The following CAPN6 variants were observed in gnomAD, a reference collection of about 807,000 sequenced individuals.
The protein encoded by CAPN6 is calpain 6.
Under a neutral mutation model 46.0 loss-of-function variants are expected in CAPN6, and 16 were observed. The observed-to-expected ratio is 0.35, with a 90% CI of 0.24 to 0.53. The LOEUF (loss-of-function observed/expected upper bound fraction) is 0.53. Among genes scored for constraint, CAPN6 ranks in the 20% least tolerant of loss-of-function variants. The pLI, the probability that CAPN6 is intolerant of heterozygous loss-of-function variation, is 0.94. For missense variants in CAPN6, 461 were observed against 498.0 expected (o/e 0.93, Z 0.71); for synonymous variants, 206 against 172.8 (o/e 1.19, Z -1.51).
chrX:111,264,517 T>C (rs778986292), intron 1 of CAPN6, among the ~76,000 whole-genome samples: 2 of 111,757 alleles, frequency 1.8e-5, no homozygotes, highest in East Asian at 2.8e-4. Flanking sequence ...GGAAGACTAC[T>C]GCAAGAAACA....
rs756294713 is a variant in CAPN6 at position 111,247,875 on chromosome X, A to G, written c.1602T>C (p.Asn534=). ...SAEDLEKKYA[N]ETVNPYLVIK... ...AGACATTCCTGCCATTCTTACTTTC[A>G]TTGGCATACTTCTTCTCCAGGTCCT... The change falls in exon 11 of 13, where the codon AAT becomes AAC. Residue 534 remains asparagine, a synonymous_variant. Coordinates refer to ENST00000324068, the MANE Select transcript of CAPN6 (RefSeq NM_014289.4). 2.5e-6 allele frequency: 3 copies of G among 1,209,715 alleles called. No individual in the cohort carries two copies. In the Admixed American group the frequency reaches 6.5e-5, roughly 26 times the overall value.
intron 5 of CAPN6, 83 bp downstream of exon 5, chrX:111,252,224 T>C: frequency 1.2e-6 from 1 of 802,824 alleles, no homozygotes; most frequent in Non-Finnish European, 1.8e-6. Context: ...GGTCTTCGGG[T>C]TAAGGGCGAA....
At chrX:111,268,866 A>C (rs1192467607) in intron 1 of CAPN6, among the ~76,000 whole-genome samples, 2 of 112,387 alleles carry the variant, frequency 1.8e-5, no homozygotes, top group Non-Finnish European at 3.8e-5. Flanking sequence ...CAGAGCCCAC[A>C]CTAAAACTGG....
At chrX:111,260,493 A>G (rs2147536872) in intron 2 of CAPN6, among the ~76,000 whole-genome samples, 1 of 112,991 alleles carries the variant, frequency 8.9e-6, no homozygotes, top group African/African-American at 3.2e-5. Context: ...GCCAAGGGAC[A>G]AGATGTCTGT....
At chrX:111,264,840 A>G (rs1386532097) in intron 1 of CAPN6, among the ~76,000 whole-genome samples, 1 of 111,617 alleles carries the variant, frequency 9.0e-6, no homozygotes, top group Non-Finnish European at 1.9e-5. Flanking sequence ...TAGGAAGATA[A>G]TTTGAAAGGC....
At chrX:111,252,221 G>A (rs2094980164) in intron 5 of CAPN6, 86 bp downstream of exon 5, 1 of 760,800 alleles carries the variant, frequency 1.3e-6, no homozygotes, top group African/African-American at 2.1e-5. Flanking sequence ...ATGGGTCTTC[G>A]GGTTAAGGGC....
In CAPN6 at chrX:111,258,748, T is replaced by G. The variant is rs17880987; in HGVS notation, c.166-4345A>C. ...TCCAAACTGGGCCACCAAATCACTGTGTAATCATTTTCTCACTTTAACCTT... is the reference window on the plus strand; with the variant it reads ...TCCAAACTGGGCCACCAAATCACTGGGTAATCATTTTCTCACTTTAACCTT... On this transcript the variant is annotated intron_variant, in intron 2 of 12. Transcript: ENST00000324068. Among the ~76,000 whole-genome samples, 1,050 of 112,196 alleles carry G rather than the reference T, an allele frequency of 9.4e-3. 16 individuals are homozygous for G. Among genetic ancestry groups the G allele is most frequent in the African/African-American group, 0.032 (1,001 of 30,889 alleles).
rs1011214955 is a variant in CAPN6 at position 111,247,734 on chromosome X, C to T, written c.1606+137G>A. The T allele has an allele frequency of 4.0e-6, 3 of 748,452 alleles. No individual in the cohort carries two copies. The African/African-American group carries it at 6.4e-5, about 16-fold the overall frequency. 61.7% of individuals were successfully genotyped at this position (748,452 alleles called of 1,213,427 possible). Reference sequence around the variant, plus strand: ...TTGCTTGAAGTTGACATCCCATCCTCTGCCATGGTTGCCATCCATTCCCAA... The same window carrying T: ...TTGCTTGAAGTTGACATCCCATCCTTTGCCATGGTTGCCATCCATTCCCAA... On this transcript the variant is annotated intron_variant, in intron 11 of 12. Transcript: ENST00000324068.
intron 3 of CAPN6, among the ~76,000 whole-genome samples, 180 bp from the exon 4 acceptor site, chrX:111,253,396 T>C (rs1194910309): frequency 8.9e-6 from 1 of 112,508 alleles, no homozygotes; most frequent in Non-Finnish European, 1.9e-5. Context: ...GCTTCCTCAG[T>C]TCAGTTTTGC....
chrX:111,253,713 A>T (rs1176809208), intron 3 of CAPN6, among the ~76,000 whole-genome samples: 1 of 112,398 alleles, frequency 8.9e-6, no homozygotes, highest in Non-Finnish European at 1.9e-5. Flanking sequence ...TTTTTTTTGT[A>T]TAACAGCTAC....
intron 8 of CAPN6, among the ~76,000 whole-genome samples, chrX:111,249,857 A>G (rs60737128): frequency 3.9e-5 from 3 of 77,898 alleles, no homozygotes; most frequent in South Asian, 8.2e-4. Context: ...GAAGGAAGGA[A>G]GGAGGGAGGG....
chrX:111,254,277 T>C lies in CAPN6; in HGVS notation c.292A>G (p.Thr98Ala). The C allele has an allele frequency of 8.3e-7, 1 of 1,207,239 alleles. No individual in the cohort carries two copies. The highest frequency in any genetic ancestry group is 1.1e-6 in the Non-Finnish European group (1 of 892,212). ...SCLAVQESHW[T>A]KTIPNHKEQE... ...TCCCACAGGAGGGATAATACCTTTG[T>C]CCAATGAGACTCCTGAACAGCCAAA... Residue 98 changes from threonine (T) to alanine (A), a missense_variant, in exon 3 of 13, where the codon ACA becomes GCA. Coordinates refer to ENST00000324068, the MANE Select transcript of CAPN6 (RefSeq NM_014289.4).
intron 1 of CAPN6, among the ~76,000 whole-genome samples, chrX:111,266,984 T>C (rs1183770992): frequency 1.8e-5 from 2 of 112,233 alleles, no homozygotes; most frequent in Non-Finnish European, 3.8e-5. Context: ...AACATCAGAA[T>C]ACTTTTGGAA....
rs145160085 is a variant in CAPN6, at chrX:111,265,119, A to C, written c.-15-1168T>G. On this transcript the variant is annotated intron_variant, in intron 1 of 12. Transcript: ENST00000324068. ...TAAAAAATAAGGAGAATACGTTAGC[A>C]CTTTAAGGAGTATCTGTGTGGTATA... Among the ~76,000 whole-genome samples the C allele has an allele frequency of 3.2e-4, 36 of 112,365 alleles. No homozygotes were observed. The East Asian group carries it at 0.01, about 31-fold the overall frequency.
chrX:111,248,095 G>A, intron 10 of CAPN6, 103 bp from the exon 11 acceptor site: 1 of 820,854 alleles, frequency 1.2e-6, no homozygotes, highest in Non-Finnish European at 1.8e-6. Flanking sequence ...GAGACATTGT[G>A]TGACTTAGCC....
chrX:111,266,928 T>C (rs745377683), intron 1 of CAPN6, among the ~76,000 whole-genome samples: 2 of 113,032 alleles, frequency 1.8e-5, no homozygotes, highest in South Asian at 7.3e-4. Context: ...TGGTTTGATG[T>C]TCATGGGAGA....
At chrX:111,248,099 CT>C in intron 10 of CAPN6, 107 bp from the exon 11 acceptor site, 1 of 769,868 alleles carries the variant, frequency 1.3e-6, no homozygotes, top group Non-Finnish European at 2.0e-6. Context: ...CATTGTGTGA[CT>C]TAGCCCATTC....
In CAPN6 at chrX:111,251,080, C is replaced by T. The variant is rs780015974; in HGVS notation, c.995G>A (p.Arg332His). Reference sequence around the variant, plus strand: ...GCAGACATTCAGTTTGTGAAAGTTGCGGCAAAAGTCCTCCAAGCTCATCCT... The same window carrying T: ...GCAGACATTCAGTTTGTGAAAGTTGTGGCAAAAGTCCTCCAAGCTCATCCT... The part of the protein sequence containing the change: ...EFWMSLEDFC[R>H]NFHKLNVCRN... Residue 332 changes from arginine (R) to histidine (H), a missense_variant, in exon 8 of 13, where the codon CGC (arginine) becomes CAC (histidine). Coordinates refer to ENST00000324068, the MANE Select transcript of CAPN6 (RefSeq NM_014289.4). 9.1e-6 allele frequency: 11 copies of T among 1,208,139 alleles called. No homozygotes were observed. Among genetic ancestry groups the T allele is most frequent in the Admixed American group, 4.4e-5 (2 of 45,489 alleles).
At chrX:111,249,112 G>A (rs905479043) in intron 8 of CAPN6, 55 bp from the exon 9 acceptor site, 3 of 1,161,876 alleles carry the variant, frequency 2.6e-6, no homozygotes, top group African/African-American at 3.6e-5. Context: ...TCATATGAAC[G>A]AGCTTAAATT....
Sources: allele counts gnomAD v4.1 joint callset (sites outside exome capture counted in the v4.1 genomes callset), GRCh38; gene constraint gnomAD v4.1.1; transcripts MANE v1.5; gene names NCBI Gene and HGNC (gene_info 2026-07-23, HGNC 2026-07-21).